Variants in LRBA observed in about 807,000 individuals in gnomAD.
The protein encoded by LRBA is LPS responsive beige-like anchor protein.
In LRBA, 176 loss-of-function variants were observed where a neutral mutation model predicts 330.0. The observed-to-expected ratio is 0.53, with a 90% CI of 0.47 to 0.60. The LOEUF (loss-of-function observed/expected upper bound fraction) is 0.60, where lower values mean the gene tolerates loss of function less well. LRBA is among the 20% of genes least tolerant of loss of function. The pLI is 0.00. For missense variants in LRBA, 3,259 were observed against 3,444.8 expected (o/e 0.95, Z 1.35); for synonymous variants, 1,230 against 1,193.0 (o/e 1.03, Z -0.64).
intron 18 of LRBA, 26 bp downstream of exon 18, chr4:150,872,637 T>C (rs373458600): frequency 2.1e-5 from 30 of 1,404,854 alleles, no homozygotes; most frequent in Non-Finnish European, 2.3e-5. Flanking sequence ...AATACAACAG[T>C]CCATCTTAGA....
At chr4:150,836,197 G>C (rs1015498432) in intron 28 of LRBA, among the ~76,000 whole-genome samples, 1 of 152,158 alleles carries the variant, frequency 6.6e-6, no homozygotes, top group African/African-American at 2.4e-5. Flanking sequence ...GCTGGATTCG[G>C]TTTGCCAGTA....
At chr4:150,986,843 G>A (rs1741515618) in intron 2 of LRBA, among the ~76,000 whole-genome samples, 1 of 152,178 alleles carries the variant, frequency 6.6e-6, no homozygotes, top group African/African-American at 2.4e-5. Context: ...AGGAAGTGAG[G>A]GGGAAGGCAG....
At chr4:150,650,375 C>A (rs1779593766) in intron 37 of LRBA, among the ~76,000 whole-genome samples, 1 of 152,036 alleles carries the variant, frequency 6.6e-6, no homozygotes, top group African/African-American at 2.4e-5. Context: ...ATTTAATAAC[C>A]AAGAAAACAT....
intron 27 of LRBA, 82 bp from the exon 28 acceptor site, chr4:150,844,289 T>C (rs1194017802): frequency 1.4e-6 from 1 of 726,924 alleles, no homozygotes. Context: ...AAACACAGTA[T>C]TCCCAGAACC....
chr4:150,660,588 A>G (rs1217212591), intron 37 of LRBA, among the ~76,000 whole-genome samples: 3 of 147,492 alleles, frequency 2.0e-5, no homozygotes, highest in Non-Finnish European at 3.0e-5. Flanking sequence ...CTCATTGAGA[A>G]CGGGCCAGGA....
In LRBA at chr4:150,639,776, T is replaced by C. The variant is rs1441445439; in HGVS notation, c.5922-40645A>G. Among the ~76,000 whole-genome samples, 12 of 3,822 alleles carry C rather than the reference T, an allele frequency of 3.1e-3. 5 individuals carry two copies. Among genetic ancestry groups the C allele is most frequent in the Non-Finnish European group, 7.7e-3 (12 of 1,554 alleles). 2.5% of individuals were successfully genotyped at this position (3,822 alleles called of 152,430 possible). Reference sequence around the variant, plus strand: ...ATATATATATATATATATATATATATATATATGTGTGTGTGTATATATATA... The same window carrying C: ...ATATATATATATATATATATATATACATATATGTGTGTGTGTATATATATA... On this transcript the variant is annotated intron_variant, in intron 37 of 56. Coordinates refer to ENST00000651943, the MANE Select transcript of LRBA (RefSeq NM_001364905.1).
intron 42 of LRBA, among the ~76,000 whole-genome samples, chr4:150,482,426 T>C (rs557745072): frequency 6.6e-6 from 1 of 152,242 alleles, no homozygotes; most frequent in African/African-American, 2.4e-5. Flanking sequence ...TATCACAGTT[T>C]GTCCATTTAC....
intron 2 of LRBA, among the ~76,000 whole-genome samples, chr4:150,993,338 GGA>G (rs1186738343): frequency 1.3e-5 from 2 of 152,206 alleles, no homozygotes; most frequent in African/African-American, 4.8e-5. Flanking sequence ...AATGAAAATA[GGA>G]GAGGAAAGAA....
chr4:150,628,449 A>G (rs1777054289), intron 37 of LRBA, among the ~76,000 whole-genome samples: 1 of 152,214 alleles, frequency 6.6e-6, no homozygotes, highest in South Asian at 2.1e-4. Context: ...TGTAAAATTA[A>G]CTTTCACGAA....
intron 40 of LRBA, among the ~76,000 whole-genome samples, chr4:150,574,106 T>A (rs975465935): frequency 6.6e-5 from 10 of 152,116 alleles, no homozygotes; most frequent in Non-Finnish European, 1.2e-4. Context: ...AAACATATAT[T>A]ATTTTTCTAT....
chr4:150,770,521 T>C (rs1430093273), intron 34 of LRBA, among the ~76,000 whole-genome samples: 2 of 151,792 alleles, frequency 1.3e-5, no homozygotes, highest in African/African-American at 4.8e-5. Flanking sequence ...ACTCAATACA[T>C]CTTAAGTTGC....
intron 2 of LRBA, among the ~76,000 whole-genome samples, chr4:150,998,437 T>C (rs1356336714): frequency 6.6e-6 from 1 of 151,528 alleles, no homozygotes; most frequent in East Asian, 1.9e-4. Flanking sequence ...CGCTACAGTC[T>C]CAAACTCCTG....
At chr4:150,814,232 A>G (rs534242152) in intron 31 of LRBA, among the ~76,000 whole-genome samples, 80 of 152,176 alleles carry the variant, frequency 5.3e-4, no homozygotes, top group Middle Eastern at 3.4e-3. Context: ...AGACCCACCA[A>G]AAAGAAAACA....
chr4:150,926,868 C>T (rs1029160724), intron 4 of LRBA, among the ~76,000 whole-genome samples: 4 of 151,708 alleles, frequency 2.6e-5, no homozygotes, highest in African/African-American at 9.7e-5. Context: ...GTCAGGAGTT[C>T]GAGACCATCC....
At chr4:150,584,250 A>G in intron 40 of LRBA, 2 of 938,424 alleles carry the variant, frequency 2.1e-6, no homozygotes, top group Non-Finnish European at 2.9e-6. Flanking sequence ...ACCTTCATTA[A>G]TTAAGAAGCA....
At chr4:150,962,275 T>C (rs1292391848) in intron 2 of LRBA, among the ~76,000 whole-genome samples, 2 of 149,332 alleles carry the variant, frequency 1.3e-5, no homozygotes, top group Non-Finnish European at 2.9e-5. Flanking sequence ...CCCAACACTT[T>C]GGGAGGCTGA....
At chr4:150,485,716 C>T (rs1757797474) in intron 42 of LRBA, among the ~76,000 whole-genome samples, 1 of 151,972 alleles carries the variant, frequency 6.6e-6, no homozygotes, top group Admixed American at 6.6e-5. Flanking sequence ...AACTTCTTGC[C>T]TCCAAAACTG....
At chr4:150,689,269 T>C (rs1372226785) in intron 36 of LRBA, among the ~76,000 whole-genome samples, 2 of 151,842 alleles carry the variant, frequency 1.3e-5, no homozygotes, top group East Asian at 1.9e-4. Context: ...TAAGAACATA[T>C]GGGCACGGAG....
At position 150,467,794 on chromosome 4, in the gene LRBA, G is replaced by GA; in HGVS notation, c.6668-10dup. The GA allele has an allele frequency of 8.0e-7, 1 of 1,244,054 alleles. No individual in the cohort carries two copies. Among genetic ancestry groups the GA allele is most frequent in the Non-Finnish European group, 1.1e-6 (1 of 871,320 alleles). The allele number at this position is 1,244,054 out of a possible 1,614,324, so 77.1% of individuals were successfully genotyped here. On this transcript the variant is annotated splice_polypyrimidine_tract_variant and intron_variant, in intron 43 of 56. Transcript: ENST00000651943. ...GTCATTATAACTCCGTCCTGATAGGGAAAAAAGTTACTCGTAATTTATAAT... is the reference window on the plus strand; with the variant it reads ...GTCATTATAACTCCGTCCTGATAGGGAAAAAAAGTTACTCGTAATTTATAAT...
Sources: gnomAD v4.1 joint callset for allele counts (sites outside exome capture counted in the v4.1 genomes callset) on GRCh38, gnomAD v4.1.1 for gene constraint, MANE v1.5 for transcripts, NCBI Gene and HGNC (gene_info 2026-07-23, HGNC 2026-07-21) for gene names.